The following FGF13 variants were observed in gnomAD, a reference collection of about 807,000 sequenced individuals.
FGF13 encodes fibroblast growth factor 13, also known as fibroblast growth factor homologous factor 2.
FGF13 carries 2 observed loss-of-function variants against 19.5 expected under a neutral mutation model. That is an observed-to-expected ratio of 0.10 (90% CI 0.04 to 0.32). The LOEUF (loss-of-function observed/expected upper bound fraction) is 0.32, where lower values mean the gene tolerates loss of function less well. Among genes scored for constraint, FGF13 ranks in the 10% least tolerant of loss-of-function variants. The probability of loss-of-function intolerance (pLI) is 1.00; values close to 1 mark genes in which losing one functional copy is unlikely to be tolerated. For missense variants in FGF13, 113 were observed against 192.7 expected (o/e 0.59, Z 2.45); for synonymous variants, 72 against 76.9 (o/e 0.94, Z 0.33).
At chrX:138,752,125 C>T (rs1330267323) in intron 3 of FGF13, among the ~76,000 whole-genome samples, 2 of 111,821 alleles carry the variant, frequency 1.8e-5, no homozygotes, top group African/African-American at 6.5e-5. Context: ...CAGGAATGGG[C>T]AAGACAATTA....
chrX:138,667,403 C>T (rs2089561702), intron 3 of FGF13, among the ~76,000 whole-genome samples: 1 of 109,442 alleles, frequency 9.1e-6, no homozygotes, highest in African/African-American at 3.3e-5. Context: ...TTGTAGATAC[C>T]TTTTTGTATT....
In FGF13 at chrX:138,708,862, G is replaced by A. The variant is rs1480865673; in HGVS notation, c.254C>T (p.Ala85Val). ...TTTGGTGCCATCAATGGTTCCATCC[G>A]CCTGCAGCTGCAAGTGGTAGCCTTG... Reference protein sequence around the residue: ...SRQGYHLQLQADGTIDGTKDE... With the variant: ...SRQGYHLQLQVDGTIDGTKDE... The change falls in exon 2 of 5, where the codon GCG (alanine) becomes GTG (valine). Residue 85 changes from alanine to valine, a missense_variant. By Grantham distance (64) the Ala-to-Val change is moderately conservative (BLOSUM62 0). Transcript: ENST00000315930. The A allele has an allele frequency of 1.2e-5, 14 of 1,208,307 alleles. No homozygotes were observed. Among genetic ancestry groups the A allele is most frequent in the East Asian group, 3.0e-5 (1 of 33,744 alleles).
At chrX:138,798,606 T>C (rs1486024166) in intron 3 of FGF13, among the ~76,000 whole-genome samples, 1 of 112,096 alleles carries the variant, frequency 8.9e-6, no homozygotes, top group Non-Finnish European at 1.9e-5. Flanking sequence ...GAGTCCCTCT[T>C]TTTTTATTGA....
chrX:138,808,563 C>G (rs2090892101), intron 3 of FGF13, among the ~76,000 whole-genome samples: 1 of 110,975 alleles, frequency 9.0e-6, no homozygotes, highest in Admixed American at 9.6e-5. Flanking sequence ...TATTCGAAAG[C>G]TAGCAGAAGG....
rs1212889068 is a variant in FGF13 at position 138,877,281 on chromosome X, A to G, written c.-112-12631T>C. ...AAAAAAGGAAAAAAGCCTCCTTTTAATGAACATTTCATTTTTATTCATAGA... is the reference window on the plus strand; with the variant it reads ...AAAAAAGGAAAAAAGCCTCCTTTTAGTGAACATTTCATTTTTATTCATAGA... On this transcript the variant is annotated intron_variant, in intron 1 of 2. Transcript: ENST00000421460. 3.6e-5 allele frequency among the ~76,000 whole-genome samples: 4 copies of G among 111,840 alleles called. No individual in the cohort carries two copies. In the East Asian group the frequency reaches 1.1e-3, roughly 31 times the overall value.
intron 1 of FGF13, among the ~76,000 whole-genome samples, chrX:138,999,772 T>C (rs2092063368): frequency 1.8e-5 from 2 of 112,012 alleles, no homozygotes; most frequent in African/African-American, 3.2e-5. Flanking sequence ...GAGGAGCTGG[T>C]ACCATTCCTT....
intron 1 of FGF13, among the ~76,000 whole-genome samples, chrX:139,073,038 T>G (rs973372942): frequency 2.5e-4 from 28 of 111,532 alleles, no homozygotes; most frequent in Admixed American, 1.1e-3. Context: ...CATCGTATAC[T>G]TTCTCTCATT....
chrX:138,965,292 G>T (rs1283146581), intron 1 of FGF13, among the ~76,000 whole-genome samples: 1 of 112,145 alleles, frequency 8.9e-6, no homozygotes, highest in Non-Finnish European at 1.9e-5. Context: ...CTATCATGTG[G>T]TATTGCCATC....
intron 1 of FGF13, among the ~76,000 whole-genome samples, chrX:138,965,693 CA>C (rs199933950): frequency 0.05 from 5,540 of 110,769 alleles, 151 homozygotes; most frequent in East Asian, 0.18. Flanking sequence ...TCCCTTGTTC[CA>C]AAATTATGAA....
chrX:139,155,567 G>A (rs2083970455), intron 1 of FGF13, among the ~76,000 whole-genome samples: 1 of 112,136 alleles, frequency 8.9e-6, no homozygotes, highest in Admixed American at 9.5e-5. Context: ...GTTATCTTCA[G>A]GACACTGCAG....
At chrX:139,165,621 C>T in intron 1 of FGF13, among the ~76,000 whole-genome samples, 1 of 111,495 alleles carries the variant, frequency 9.0e-6, no homozygotes, top group Non-Finnish European at 1.9e-5. Context: ...AGTTCACTGC[C>T]CTGTGCAACC....
chrX:138,737,658 C>T (rs887167710), intron 1 of FGF13, among the ~76,000 whole-genome samples: 1 of 112,046 alleles, frequency 8.9e-6, no homozygotes, highest in African/African-American at 3.2e-5. Flanking sequence ...ACTCACATGT[C>T]AATAAAATAA....
At chrX:138,668,323 T>C (rs1044973528) in intron 3 of FGF13, among the ~76,000 whole-genome samples, 1 of 111,432 alleles carries the variant, frequency 9.0e-6, no homozygotes, top group Non-Finnish European at 1.9e-5. Context: ...TTCAAATCCA[T>C]GTAATGTCAG....
chrX:138,702,246 C>T (rs1488202623), intron 3 of FGF13, among the ~76,000 whole-genome samples: 2 of 111,662 alleles, frequency 1.8e-5, no homozygotes, highest in African/African-American at 6.5e-5. Context: ...CAAATAGTCT[C>T]TTATAATCTG....
At chrX:138,738,043 T>C (rs1049020801) in intron 1 of FGF13, among the ~76,000 whole-genome samples, 5 of 112,262 alleles carry the variant, frequency 4.5e-5, no homozygotes, top group Non-Finnish European at 9.4e-5. Flanking sequence ...TTAAAAACAA[T>C]CAGATAAACA....
chrX:138,739,228 G>A, intron 1 of FGF13: 1 of 1,011,167 alleles, frequency 9.9e-7, no homozygotes, highest in Admixed American at 2.2e-5. Context: ...AAACATTGCA[G>A]AAATAAATCT....
At chrX:138,983,863 T>A (rs56334586) in intron 1 of FGF13, among the ~76,000 whole-genome samples, 4,209 of 102,196 alleles carry the variant, frequency 0.041, 203 homozygotes, top group African/African-American at 0.14. Flanking sequence ...TGGTATAAAG[T>A]TTCAGTTATG....
At chrX:139,044,159 C>T (rs140992102) in intron 1 of FGF13, among the ~76,000 whole-genome samples, 3,149 of 111,802 alleles carry the variant, frequency 0.028, 147 homozygotes, top group African/African-American at 0.097. Flanking sequence ...TTTGTTAGGC[C>T]ATTTTTGCAT....
downstream of FGF13, chrX:138,857,462 AAAG>A: frequency 8.9e-7 from 1 of 1,127,307 alleles, no homozygotes; most frequent in Non-Finnish European, 1.2e-6. Flanking sequence ...AAAGAGAAAG[AAAG>A]AAGAATGAGA....
Sources: allele counts gnomAD v4.1 joint callset (sites outside exome capture counted in the v4.1 genomes callset), GRCh38; gene constraint gnomAD v4.1.1; transcripts MANE v1.5; gene names NCBI Gene and HGNC (gene_info 2026-07-23, HGNC 2026-07-21).